The following HDAC4 variants were observed in gnomAD, a reference collection of about 807,000 sequenced individuals.
HDAC4 encodes histone deacetylase 4.
Under a neutral mutation model 135.1 loss-of-function variants are expected in HDAC4, and 16 were observed. That is an observed-to-expected ratio of 0.12 (90% confidence interval 0.08 to 0.18). The LOEUF is 0.18. Ranked by LOEUF, HDAC4 falls within the 10% of genes least tolerant of loss-of-function variation. The probability of loss-of-function intolerance (pLI) is 1.00; values close to 1 mark genes in which losing one functional copy is unlikely to be tolerated. For missense variants in HDAC4, 1,143 were observed against 1,511.8 expected (o/e 0.76, Z 4.05); for synonymous variants, 685 against 653.4 (o/e 1.05, Z -0.74).
At chr2:239,159,370 A>C in intron 6 of HDAC4, among the ~76,000 whole-genome samples, 1 of 134,428 alleles carries the variant, frequency 7.4e-6, no homozygotes, top group Non-Finnish European at 1.6e-5. Flanking sequence ...CCCACCTCAC[A>C]CCCACACCCC....
intron 1 of HDAC4, among the ~76,000 whole-genome samples, chr2:239,378,224 T>C (rs1194607554): frequency 1.3e-5 from 2 of 152,042 alleles, no homozygotes; most frequent in African/African-American, 2.4e-5. Context: ...CCGTGACAGC[T>C]TGGGGACTTC....
intron 19 of HDAC4, among the ~76,000 whole-genome samples, chr2:239,085,041 G>GACAGACACACACACACAC (rs1553609590): frequency 7.2e-6 from 1 of 138,784 alleles, no homozygotes; most frequent in African/African-American, 2.8e-5. Flanking sequence ...GAGACAGACA[G>GACAGACACACACACACAC]ACACACACAC....
At chr2:239,145,127 C>T (rs189864260) in intron 7 of HDAC4, among the ~76,000 whole-genome samples, 111 of 152,298 alleles carry the variant, frequency 7.3e-4, no homozygotes, top group Non-Finnish European at 1.2e-3. Context: ...CCCCTATCTT[C>T]ATAGCTGTGT....
At chr2:239,175,380 G>A (rs759993894) in intron 5 of HDAC4, among the ~76,000 whole-genome samples, 5 of 152,336 alleles carry the variant, frequency 3.3e-5, no homozygotes, top group East Asian at 1.9e-4. Context: ...GCTGGGCACC[G>A]TCCTCGTGCA....
chr2:239,148,749 C>A (rs766697971), intron 7 of HDAC4, among the ~76,000 whole-genome samples: 1 of 152,178 alleles, frequency 6.6e-6, no homozygotes, highest in African/African-American at 2.4e-5. Context: ...AAGGAGGCCA[C>A]GGAGCCCGGG....
intron 3 of HDAC4, 63 bp from the exon 4 acceptor site, chr2:239,190,140 GC>G: frequency 6.8e-7 from 1 of 1,477,112 alleles, no homozygotes; most frequent in Non-Finnish European, 9.0e-7. Context: ...GGGCCCCAGA[GC>G]CCCCACCCAA....
At position 239,324,461 on chromosome 2, in the gene HDAC4, T is replaced by C. The variant is rs562282238; in HGVS notation, c.22+28217A>G. Among the ~76,000 whole-genome samples, 4 of 152,360 alleles carry C rather than the reference T, an allele frequency of 2.6e-5. 1 individual carries two copies. Among genetic ancestry groups the C allele is most frequent in the South Asian group, 4.1e-4 (2 of 4,834 alleles). On this transcript the variant is annotated intron_variant, in intron 2 of 26. Coordinates refer to ENST00000543185, the MANE Select transcript of HDAC4 (RefSeq NM_001378414.1). ...TAAATCCTACTCCCTGTAAAGCCTA[T>C]TGCCATTATGTGTTTGCTCTCCAGG...
chr2:239,342,571 T>C (rs1164663897), intron 2 of HDAC4, among the ~76,000 whole-genome samples: 1 of 152,204 alleles, frequency 6.6e-6, no homozygotes, highest in Non-Finnish European at 1.5e-5. Context: ...AGAGTCTTGG[T>C]GAAAGCTAGG....
chr2:239,280,372 T>C (rs944514838), intron 2 of HDAC4, among the ~76,000 whole-genome samples: 4 of 152,020 alleles, frequency 2.6e-5, no homozygotes, highest in East Asian at 1.9e-4. Context: ...ACGAAGAACA[T>C]TAGAGGAATA....
intron 22 of HDAC4, among the ~76,000 whole-genome samples, chr2:239,074,730 T>C (rs889234127): frequency 2.0e-5 from 3 of 152,136 alleles, no homozygotes; most frequent in Admixed American, 6.5e-5. Flanking sequence ...CTAAGAAACG[T>C]CCCTTCTCCT....
intron 3 of HDAC4, among the ~76,000 whole-genome samples, chr2:239,208,349 AAAG>A (rs1339320963): frequency 1.3e-5 from 2 of 150,896 alleles, no homozygotes; most frequent in African/African-American, 4.9e-5. Context: ...AAAAAAAAAA[AAAG>A]AAAACACAAG....
At chr2:239,353,908 T>G (rs932352725) in intron 1 of HDAC4, among the ~76,000 whole-genome samples, 4 of 152,192 alleles carry the variant, frequency 2.6e-5, no homozygotes, top group Admixed American at 6.5e-5. Flanking sequence ...ATCACAGAAT[T>G]TAATTCTAAA....
intron 3 of HDAC4, among the ~76,000 whole-genome samples, chr2:239,226,723 A>C (rs898834923): frequency 3.3e-5 from 5 of 152,222 alleles, no homozygotes; most frequent in Non-Finnish European, 5.9e-5. Context: ...AGGATGGAGA[A>C]ACTTTCTATC....
intron 12 of HDAC4, among the ~76,000 whole-genome samples, chr2:239,118,567 T>G (rs991739760): frequency 6.6e-6 from 1 of 152,166 alleles, no homozygotes; most frequent in Non-Finnish European, 1.5e-5. Flanking sequence ...CGGGACCTGA[T>G]GCACAGTTTG....
At chr2:239,150,258 G>C (rs2042027646) in intron 7 of HDAC4, among the ~76,000 whole-genome samples, 1 of 151,364 alleles carries the variant, frequency 6.6e-6, no homozygotes, top group Non-Finnish European at 1.5e-5. Context: ...CAGACATACA[G>C]ATACACACAC....
At chr2:239,190,488 A>G (rs1161256182) in intron 3 of HDAC4, among the ~76,000 whole-genome samples, 1 of 152,234 alleles carries the variant, frequency 6.6e-6, no homozygotes, top group Non-Finnish European at 1.5e-5. Context: ...CGCGGGCGCC[A>G]GGTCTCAGCC....
chr2:239,296,591 C>A lies in HDAC4; in HGVS notation c.22+56087G>T, dbSNP rs74593228. 5.3e-3 allele frequency among the ~76,000 whole-genome samples: 801 copies of A among 152,310 alleles called. 3 individuals are homozygous for A. The highest frequency in any genetic ancestry group is 9.3e-3 in the Non-Finnish European group (630 of 68,028). ...CATTTAAGAGAAACTGCGCTGTTTT[C>A]TTTTTTAGGACTTCGCATTTATCTA... On this transcript the variant is annotated intron_variant, in intron 2 of 26. Transcript: ENST00000543185.
chr2:239,223,895 T>C (rs1287655395), intron 3 of HDAC4, among the ~76,000 whole-genome samples: 1 of 151,632 alleles, frequency 6.6e-6, no homozygotes, highest in Non-Finnish European at 1.5e-5. Flanking sequence ...GTCTACTTTG[T>C]GGACCTTGCA....
chr2:239,375,737 A>T (rs530354563), intron 1 of HDAC4, among the ~76,000 whole-genome samples: 1 of 152,274 alleles, frequency 6.6e-6, no homozygotes, highest in East Asian at 1.9e-4. Context: ...GCCATGGAGC[A>T]CCCACTGCCA....
Sources: allele counts gnomAD v4.1 joint callset (sites outside exome capture counted in the v4.1 genomes callset), GRCh38; gene constraint gnomAD v4.1.1; transcripts MANE v1.5; gene names NCBI Gene and HGNC (gene_info 2026-07-23, HGNC 2026-07-21).